Variants in UBR3 observed in about 807,000 individuals in gnomAD.
UBR3 encodes the protein ubiquitin protein ligase E3 component n-recognin 3.
In UBR3, 85 loss-of-function variants were observed where a neutral mutation model predicts 243.2. The observed-to-expected ratio is 0.35, with a 90% confidence interval of 0.29 to 0.42. The LOEUF (loss-of-function observed/expected upper bound fraction) is 0.42, where lower values mean the gene tolerates loss of function less well. UBR3 is among the 10% of genes least tolerant of loss of function. The pLI is 1.00. For missense variants in UBR3, 1,686 were observed against 2,300.8 expected (o/e 0.73, Z 5.47); for synonymous variants, 748 against 799.8 (o/e 0.94, Z 1.09).
intron 11 of UBR3, among the ~76,000 whole-genome samples, chr2:169,919,508 G>T (rs368352853): frequency 1.2e-4 from 18 of 152,150 alleles, no homozygotes; most frequent in African/African-American, 3.6e-4. Context: ...AAGAAACTAC[G>T]ATCAGAGTGA....
intron 23 of UBR3, among the ~76,000 whole-genome samples, chr2:169,956,602 A>G (rs776238765): frequency 6.6e-6 from 1 of 152,120 alleles, no homozygotes; most frequent in African/African-American, 2.4e-5. Context: ...TTTTATGTGG[A>G]TCCTAAATTA....
chr2:169,940,664 A>G (rs371547851), intron 19 of UBR3, among the ~76,000 whole-genome samples: 1 of 152,142 alleles, frequency 6.6e-6, no homozygotes, highest in Admixed American at 6.5e-5. Flanking sequence ...TCTCATTTAG[A>G]TAAGTATGTT....
intron 1 of UBR3, among the ~76,000 whole-genome samples, chr2:169,836,067 A>ATATATTTTT (rs1558999159): frequency 9.2e-5 from 3 of 32,668 alleles, no homozygotes; most frequent in Non-Finnish European, 1.5e-4. Context: ...ATATATATAT[A>ATATATTTTT]TTTTTTTTTT....
chr2:169,942,332 A>G (rs1473966236), intron 19 of UBR3, among the ~76,000 whole-genome samples, 161 bp from the exon 20 acceptor site: 1 of 152,156 alleles, frequency 6.6e-6, no homozygotes, highest in Non-Finnish European at 1.5e-5. Context: ...AGTAATGTTC[A>G]TTGTGTAGAG....
At chr2:170,016,391 A>G (rs1029112142) in intron 30 of UBR3, among the ~76,000 whole-genome samples, 1 of 151,738 alleles carries the variant, frequency 6.6e-6, no homozygotes, top group Non-Finnish European at 1.5e-5. Context: ...TATTATTTTT[A>G]TTTTTTAACC....
intron 19 of UBR3, among the ~76,000 whole-genome samples, chr2:169,936,118 G>A (rs145740878): frequency 0.04 from 6,106 of 152,116 alleles, 177 homozygotes; most frequent in East Asian, 0.11. Context: ...GGAGTACAAT[G>A]GCATGATCTC....
chr2:169,906,507 A>C (rs2085015243), intron 10 of UBR3, among the ~76,000 whole-genome samples: 2 of 152,042 alleles, frequency 1.3e-5, no homozygotes, highest in African/African-American at 4.8e-5. Flanking sequence ...GGACAAAACA[A>C]GTATAAATTC....
intron 32 of UBR3, among the ~76,000 whole-genome samples, chr2:170,052,965 A>G (rs187113024): frequency 1.9e-4 from 29 of 152,334 alleles, no homozygotes; most frequent in African/African-American, 6.5e-4. Flanking sequence ...CTTCAATAAT[A>G]TAATTTTTGT....
chr2:169,952,564 G>A lies in UBR3; in HGVS notation c.3545+2499G>A, dbSNP rs377620601. 2.2e-4 allele frequency among the ~76,000 whole-genome samples: 33 copies of A among 152,040 alleles called. No homozygotes were observed. The East Asian group carries it at 2.3e-3, about 11-fold the overall frequency. On this transcript the variant is annotated intron_variant, in intron 23 of 38. Transcript: ENST00000272793. ...ATAAAAATTAGCTGGGCGTGGTGGC[G>A]TGTGCCTGTAGTCCCAGCTACTAGG...
At chr2:170,037,083 C>G (rs2090851291) in intron 31 of UBR3, among the ~76,000 whole-genome samples, 1 of 152,046 alleles carries the variant, frequency 6.6e-6, no homozygotes, top group East Asian at 1.9e-4. Context: ...AGGTGAAGAT[C>G]TAAAATTTAT....
intron 13 of UBR3, among the ~76,000 whole-genome samples, chr2:169,924,696 T>C (rs115502145): frequency 0.022 from 3,351 of 152,304 alleles, 53 homozygotes; most frequent in Non-Finnish European, 0.031. Context: ...TTGTTAATTA[T>C]TATAATATTG....
At chr2:169,864,707 T>A (rs941094942) in intron 1 of UBR3, among the ~76,000 whole-genome samples, 2 of 151,816 alleles carry the variant, frequency 1.3e-5, no homozygotes, top group East Asian at 3.9e-4. Flanking sequence ...ATTGAGACCA[T>A]CCTGGCTAAC....
rs778969348 is a variant in UBR3, at chr2:169,996,688, CTTTTG to C, written c.3918+2237_3918+2241del. 1.4e-4 allele frequency among the ~76,000 whole-genome samples: 12 copies of C among 88,326 alleles called. 4 individuals are homozygous for C. Among genetic ancestry groups the C allele is most frequent in the Non-Finnish European group, 2.7e-4 (12 of 44,926 alleles). The allele number at this position is 88,326 out of a possible 152,430, so 57.9% of individuals were successfully genotyped here. A position where few individuals can be genotyped will look rare whatever the true frequency, so the allele number is the denominator to read the frequency against. On this transcript the variant is annotated intron_variant, in intron 26 of 38. Coordinates refer to ENST00000272793, the MANE Select transcript of UBR3 (RefSeq NM_172070.4). ...TTTCTTTGTTCTTTATTGCTTTGGACTTTTGTTTTTTTTTTTTTTTTTTTAGATAG... is the reference window on the plus strand; with the variant it reads ...TTTCTTTGTTCTTTATTGCTTTGGACTTTTTTTTTTTTTTTTTTTAGATAG...
intron 24 of UBR3, among the ~76,000 whole-genome samples, chr2:169,972,638 G>A (rs1447881746): frequency 1.9e-4 from 29 of 152,276 alleles, no homozygotes; most frequent in African/African-American, 3.6e-4. Flanking sequence ...GTAATCCAGC[G>A]TATAAGCAGA....
rs1320742680 is a variant in UBR3 at position 169,836,027 on chromosome 2, CTCTCTCTCTCTCTCTCTATA to C, written c.545+7977_545+7996del. On this transcript the variant is annotated intron_variant, in intron 1 of 38. Coordinates refer to ENST00000272793, the MANE Select transcript of UBR3 (RefSeq NM_172070.4). ...TCTCTCTCTCTCTCTCTCTCTCTCT[CTCTCTCTCTCTCTCTCTATA>C]TATATATATATATATATATATTTTT... Among the ~76,000 whole-genome samples the C allele has an allele frequency of 2.9e-3, 82 of 27,972 alleles. 2 individuals carry two copies. The highest frequency in any genetic ancestry group is 4.1e-3 in the Non-Finnish European group (56 of 13,680). 18.4% of individuals were successfully genotyped at this position (27,972 alleles called of 152,430 possible). A position where few individuals can be genotyped will look rare whatever the true frequency, so the allele number is the denominator to read the frequency against.
chr2:169,878,448 G>T (rs1266885549), intron 4 of UBR3, 77 bp from the exon 5 acceptor site: 3 of 1,374,552 alleles, frequency 2.2e-6, no homozygotes, highest in Non-Finnish European at 3.0e-6. Flanking sequence ...TTTGATATTT[G>T]TATTTCTCAG....
At chr2:169,972,084 A>G (rs2105376879) in intron 24 of UBR3, among the ~76,000 whole-genome samples, 1 of 152,322 alleles carries the variant, frequency 6.6e-6, no homozygotes, top group Non-Finnish European at 1.5e-5. Flanking sequence ...TAAAGGGGAT[A>G]TCACCACCGA....
chr2:170,060,928 G>A (rs1183894344), intron 33 of UBR3, 151 bp from the exon 34 acceptor site: 3 of 504,606 alleles, frequency 5.9e-6, no homozygotes, highest in Non-Finnish European at 1.0e-5. Flanking sequence ...ATCCAGAGGT[G>A]TACAGTTTTA....
At chr2:169,976,203 T>A (rs778413145) in intron 24 of UBR3, among the ~76,000 whole-genome samples, 12 of 152,072 alleles carry the variant, frequency 7.9e-5, no homozygotes, top group Non-Finnish European at 1.8e-4. Flanking sequence ...ATGAGGGCTT[T>A]TTGTTGTTGT....
Sources: gnomAD v4.1 joint callset for allele counts (sites outside exome capture counted in the v4.1 genomes callset) on GRCh38, gnomAD v4.1.1 for gene constraint, MANE v1.5 for transcripts, NCBI Gene and HGNC (gene_info 2026-07-23, HGNC 2026-07-21) for gene names.